Variants in THAP10 observed in about 807,000 individuals in gnomAD.
THAP10 encodes THAP domain-containing protein 10.
THAP10 carries 10 observed loss-of-function variants against 15.7 expected under a neutral mutation model. The ratio of observed to expected loss-of-function variants is 0.64; its 90% CI spans 0.39 to 1.08. The LOEUF is 1.08. Ranked by LOEUF, THAP10 falls within the 50% of genes least tolerant of loss-of-function variation. The pLI is 0.01. For missense variants in THAP10, 310 were observed against 330.9 expected, an observed-to-expected ratio of 0.94 and a Z score of 0.49; for synonymous variants, 127 against 129.1, an observed-to-expected ratio of 0.98 and a Z score of 0.11.
At chr15:70,890,861 C>G (rs1263210774) in intron 1 of THAP10, among the ~76,000 whole-genome samples, 1 of 152,124 alleles carries the variant, frequency 6.6e-6, no homozygotes, top group East Asian at 1.9e-4. Flanking sequence ...CAGTGAGCAA[C>G]AGGGACAGTG....
chr15:70,884,077 A>T (rs2033338939), intron 1 of THAP10, among the ~76,000 whole-genome samples: 1 of 152,200 alleles, frequency 6.6e-6, no homozygotes, highest in Admixed American at 6.5e-5. Flanking sequence ...GTAAGAAAAG[A>T]TATCTGGAAA....
rs1442189477 is a variant in THAP10 at position 70,881,970 on chromosome 15, T to C, written c.*484A>G. 1 of 153,122 alleles carries C rather than the reference T, an allele frequency of 6.5e-6. No individual in the cohort carries two copies. Among genetic ancestry groups the C allele is most frequent in the Non-Finnish European group, 1.5e-5 (1 of 68,768 alleles). The allele number at this position is 153,122 out of a possible 1,614,324, so 9.5% of individuals were successfully genotyped here. On this transcript the variant is annotated 3_prime_UTR_variant, in exon 3 of 3. Transcript: ENST00000249861. ...ACTAATAAATAAATAACATAAAAAATAGTCAAGGGTAGATGTCCTGGCTTC... is the reference window on the plus strand; with the variant it reads ...ACTAATAAATAAATAACATAAAAAACAGTCAAGGGTAGATGTCCTGGCTTC...
Position 70,882,704 on chromosome 15 carries a change from C to T in THAP10, c.578-54G>A. ...GAGTTAGACTTTGCTTTTCATATAT[C>T]TTTAATATACGAAAGATCAATTCAA... On this transcript the variant is annotated intron_variant, in intron 2 of 2. Coordinates refer to ENST00000249861, the MANE Select transcript of THAP10 (RefSeq NM_020147.4). 3.7e-6 allele frequency: 6 copies of T among 1,610,382 alleles called. 1 individual carries two copies. The South Asian group carries it at 6.6e-5, about 18-fold the overall frequency.
Position 70,892,017 on chromosome 15 carries a change from C to T in THAP10, c.256G>A (p.Val86Met), listed in dbSNP as rs184314334. 1,390 of 1,612,676 alleles carry T rather than the reference C, an allele frequency of 8.6e-4. 13 individuals are homozygous for T. Among genetic ancestry groups the T allele is most frequent in the Middle Eastern group, 1.7e-4 (1 of 6,060 alleles). Residue 86 changes from valine (V) to methionine (M), a missense_variant, in exon 1 of 3, where the codon GTG (valine) becomes ATG (methionine). Val to Met is a conservative substitution (Grantham distance 21, BLOSUM62 1). Coordinates refer to ENST00000249861, the MANE Select transcript of THAP10 (RefSeq NM_020147.4). ...GCGGGCACCCGGTGCAGGGTGGGCACGGCGCCTGCCACCAGCCTCAGGCGC... is the reference window on the plus strand; with the variant it reads ...GCGGGCACCCGGTGCAGGGTGGGCATGGCGCCTGCCACCAGCCTCAGGCGC... ...SQRLRLVAGAVPTLHRVPAPA... is the reference protein window; with the variant it reads ...SQRLRLVAGAMPTLHRVPAPA...
At chr15:70,887,616 T>G (rs2141089128) in intron 1 of THAP10, among the ~76,000 whole-genome samples, 1 of 152,234 alleles carries the variant, frequency 6.6e-6, no homozygotes, top group African/African-American at 2.4e-5. Context: ...CAAAGAGAGC[T>G]ATAAAAAACT....
intron 1 of THAP10, among the ~76,000 whole-genome samples, chr15:70,886,148 C>T (rs556619778): frequency 6.6e-6 from 1 of 152,088 alleles, no homozygotes; most frequent in Non-Finnish European, 1.5e-5. Flanking sequence ...TACTGCATAC[C>T]TAAAACTTGT....
chr15:70,887,986 G>C (rs1272147027), intron 1 of THAP10, among the ~76,000 whole-genome samples: 2 of 152,072 alleles, frequency 1.3e-5, no homozygotes, highest in Non-Finnish European at 1.5e-5. Flanking sequence ...TCTAATGAAA[G>C]ATATGTAAGA....
rs1011858225 is a variant in THAP10 at position 70,881,620 on chromosome 15, G to A, written c.*834C>T. 2 of 152,162 alleles carry A rather than the reference G, an allele frequency of 1.3e-5. No homozygotes were observed. The highest frequency in any genetic ancestry group is 2.9e-5 in the Non-Finnish European group (2 of 68,030). 9.4% of individuals were successfully genotyped at this position (152,162 alleles called of 1,614,324 possible). On this transcript the variant is annotated 3_prime_UTR_variant, in exon 3 of 3. Coordinates refer to ENST00000249861, the MANE Select transcript of THAP10 (RefSeq NM_020147.4). The stretch of plus-strand genomic sequence containing the variant: ...AAATTTTTCCTGGTGAATGGCAGAC[G>A]GGGCAGCTAATATTTCCATGCTTAT...
chr15:70,891,029 A>G (rs1361150907), intron 1 of THAP10, among the ~76,000 whole-genome samples: 1 of 152,232 alleles, frequency 6.6e-6, no homozygotes, highest in Non-Finnish European at 1.5e-5. Context: ...TACTGCAGAA[A>G]GAGTGTTGGT....
At position 70,882,381 on chromosome 15, in the gene THAP10, A is replaced by G. The variant is rs559810721; in HGVS notation, c.*73T>C. ...AATTATCTTGAAGTGAAAGATTTACAATAGCAAAGAGATAATTATGTGAGT... is the reference window on the plus strand; with the variant it reads ...AATTATCTTGAAGTGAAAGATTTACGATAGCAAAGAGATAATTATGTGAGT... On this transcript the variant is annotated 3_prime_UTR_variant, in exon 3 of 3. Coordinates refer to ENST00000249861, the MANE Select transcript of THAP10 (RefSeq NM_020147.4). 2 of 1,270,402 alleles carry G rather than the reference A, an allele frequency of 1.6e-6. No individual in the cohort carries two copies. Among genetic ancestry groups the G allele is most frequent in the Non-Finnish European group, 2.2e-6 (2 of 907,656 alleles). 78.7% of individuals were successfully genotyped at this position (1,270,402 alleles called of 1,614,324 possible). A position where few individuals can be genotyped will look rare whatever the true frequency, so the allele number is the denominator to read the frequency against.
At chr15:70,883,321 A>T (rs2033316184) in intron 1 of THAP10, among the ~76,000 whole-genome samples, 1 of 152,018 alleles carries the variant, frequency 6.6e-6, no homozygotes, top group Admixed American at 6.5e-5. Flanking sequence ...CTTCCCAAGT[A>T]GCTGGGATTA....
intron 1 of THAP10, among the ~76,000 whole-genome samples, chr15:70,886,744 T>G (rs1440493291): frequency 6.6e-6 from 1 of 152,068 alleles, no homozygotes; most frequent in Non-Finnish European, 1.5e-5. Context: ...CAGGCACCTG[T>G]AATCCCAGCT....
chr15:70,888,266 T>C (rs974761153), intron 1 of THAP10, among the ~76,000 whole-genome samples: 20 of 152,244 alleles, frequency 1.3e-4, no homozygotes, highest in African/African-American at 4.1e-4. Context: ...TATTAATCAA[T>C]TGAATATTCT....
intron 1 of THAP10, among the ~76,000 whole-genome samples, chr15:70,889,032 T>G (rs1163309718): frequency 6.6e-6 from 1 of 152,168 alleles, no homozygotes; most frequent in Non-Finnish European, 1.5e-5. Context: ...TTTAGAAAAC[T>G]ATTTGGTATT....
intron 1 of THAP10, 149 bp from the exon 2 acceptor site, chr15:70,883,057 A>G (rs1595979205): frequency 7.1e-6 from 5 of 703,588 alleles, no homozygotes; most frequent in Non-Finnish European, 1.1e-5. Context: ...AGGTGAATCT[A>G]TAGTCCAACC....
At position 70,882,399 on chromosome 15, in the gene THAP10, ATG is replaced by A; in HGVS notation, c.*53_*54del. ...GATTTACAATAGCAAAGAGATAATT[ATG>A]TGAGTAAAGATTTGAAAATCTATAG... On this transcript the variant is annotated 3_prime_UTR_variant, in exon 3 of 3. Coordinates refer to ENST00000249861, the MANE Select transcript of THAP10 (RefSeq NM_020147.4). 1 of 1,327,222 alleles carries A rather than the reference ATG, an allele frequency of 7.5e-7. No homozygotes were observed. The highest frequency in any genetic ancestry group is 1.1e-6 in the Non-Finnish European group (1 of 948,078). The allele number at this position is 1,327,222 out of a possible 1,614,324, so 82.2% of individuals were successfully genotyped here. A position where few individuals can be genotyped will look rare whatever the true frequency, so the allele number is the denominator to read the frequency against.
chr15:70,885,218 G>C (rs2033374303), intron 1 of THAP10, among the ~76,000 whole-genome samples: 1 of 152,140 alleles, frequency 6.6e-6, no homozygotes, highest in Non-Finnish European at 1.5e-5. Context: ...AAGGCAGAAA[G>C]AGACAAAAGG....
At position 70,886,078 on chromosome 15, in the gene THAP10, C is replaced by T. The variant is rs114936969; in HGVS notation, c.430-3170G>A. Among the ~76,000 whole-genome samples the T allele has an allele frequency of 4.8e-3, 725 of 152,008 alleles. 9 individuals carry two copies. Among genetic ancestry groups the T allele is most frequent in the African/African-American group, 0.017 (705 of 41,462 alleles). On this transcript the variant is annotated intron_variant, in intron 1 of 2. Coordinates refer to ENST00000249861, the MANE Select transcript of THAP10 (RefSeq NM_020147.4). The stretch of plus-strand genomic sequence containing the variant: ...AATTAAAAAATATACTTCTAATTAA[C>T]CCACGAATAAAAGATAAAATCACAA...
rs2033592137 is a variant in THAP10 at position 70,891,941 on chromosome 15, G to A, written c.332C>T (p.Thr111Met). 1.9e-6 allele frequency: 3 copies of A among 1,613,614 alleles called. No homozygotes were observed. Among genetic ancestry groups the A allele is most frequent in the African/African-American group, 1.3e-5 (1 of 75,036 alleles). Residue 111 changes from threonine to methionine, a missense_variant, in exon 1 of 3, where the codon ACG (threonine) becomes ATG (methionine). Thr to Met is a moderately conservative substitution (Grantham distance 81). Coordinates refer to ENST00000249861, the MANE Select transcript of THAP10 (RefSeq NM_020147.4). ...EEGDQAGRLD[T>M]RGELQAARHS... ...CCTGGCTGCCTGGAGCTCTCCTCGC[G>A]TGTCCAGGCGGCCTGCTTGGTCTCC...
Sources: allele counts gnomAD v4.1 joint callset (sites outside exome capture counted in the v4.1 genomes callset), GRCh38; gene constraint gnomAD v4.1.1; transcripts MANE v1.5; gene names NCBI Gene and HGNC (gene_info 2026-07-23, HGNC 2026-07-21).